Variants in CDKL2 observed in about 807,000 individuals in gnomAD.
The protein encoded by CDKL2 is cyclin-dependent kinase-like 2.
A neutral mutation model predicts 63.9 loss-of-function variants in CDKL2; 64 were observed. The ratio of observed to expected loss-of-function variants is 1.00; its 90% CI spans 0.82 to 1.23. The LOEUF (loss-of-function observed/expected upper bound fraction) is 1.23. Ranked by LOEUF, CDKL2 falls within the 50% of genes most tolerant of loss-of-function variation. The pLI, the probability that CDKL2 is intolerant of heterozygous loss-of-function variation, is 0.00. For synonymous variants in CDKL2, 211 were observed against 229.2 expected, an observed-to-expected ratio of 0.92 and a Z score of 0.72; for missense variants, 656 against 668.0, an observed-to-expected ratio of 0.98 and a Z score of 0.20.
intron 10 of CDKL2, chr4:75,596,029 GA>G: frequency 2.1e-5 from 1 of 47,606 alleles, no homozygotes; most frequent in Non-Finnish European, 3.7e-5. Flanking sequence ...AGGAAGGAAG[GA>G]AGAAAGGAAG....
chr4:75,626,109 T>C (rs1489719973), intron 1 of CDKL2, 92 bp from the exon 2 acceptor site: 2 of 779,820 alleles, frequency 2.6e-6, no homozygotes, highest in Non-Finnish European at 4.3e-6. Context: ...TTGTTTTCCA[T>C]ATTAGTCACT....
chr4:75,594,928 T>C (rs1354760745), intron 10 of CDKL2, among the ~76,000 whole-genome samples: 2 of 152,150 alleles, frequency 1.3e-5, no homozygotes, highest in Non-Finnish European at 2.9e-5. Context: ...CTTTGGCCTT[T>C]CCTCAGTGAT....
chr4:75,607,929 C>T (rs527612618), intron 3 of CDKL2, among the ~76,000 whole-genome samples: 1 of 151,974 alleles, frequency 6.6e-6, no homozygotes, highest in Non-Finnish European at 1.5e-5. Flanking sequence ...TCTCCTGCCT[C>T]AGCCTCCCGA....
intron 10 of CDKL2, among the ~76,000 whole-genome samples, chr4:75,593,808 A>G (rs1285068618): frequency 1.3e-5 from 2 of 152,148 alleles, no homozygotes; most frequent in African/African-American, 4.8e-5. Flanking sequence ...GAGAGATGAA[A>G]AGGCTGTATT....
intron 12 of CDKL2, among the ~76,000 whole-genome samples, chr4:75,584,561 A>G (rs185694396): frequency 5.3e-5 from 8 of 152,268 alleles, no homozygotes; most frequent in Admixed American, 4.6e-4. Flanking sequence ...AATAGATATT[A>G]ATTTAGTGTG....
At chr4:75,594,110 T>C (rs560152636) in intron 10 of CDKL2, among the ~76,000 whole-genome samples, 1 of 152,364 alleles carries the variant, frequency 6.6e-6, no homozygotes, top group East Asian at 1.9e-4. Context: ...TTTTGTGTTT[T>C]ATTTTCACTC....
At chr4:75,621,289 TAACA>T (rs1334590414) in intron 2 of CDKL2, among the ~76,000 whole-genome samples, 1 of 53,846 alleles carries the variant, frequency 1.9e-5, no homozygotes, top group Admixed American at 2.3e-4. Flanking sequence ...GCCATAAAAT[TAACA>T]GACAAAAAAA....
intron 12 of CDKL2, 126 bp from the exon 13 acceptor site, chr4:75,582,024 T>A: frequency 3.1e-6 from 2 of 651,238 alleles, no homozygotes; most frequent in South Asian, 3.7e-5. Context: ...TCAAGTTGCC[T>A]ACATGGAAAA....
chr4:75,595,224 C>G (rs1728864106), intron 10 of CDKL2, among the ~76,000 whole-genome samples: 2 of 124,462 alleles, frequency 1.6e-5, no homozygotes, highest in South Asian at 5.5e-4. Context: ...TTTTTTGAGA[C>G]AGGGTCTTGG....
Position 75,596,099 on chromosome 4 carries a change from A to G in CDKL2, c.1416+148T>C, listed in dbSNP as rs566408632. 7.1e-4 allele frequency: 326 copies of G among 461,660 alleles called. 1 individual carries two copies. Among genetic ancestry groups the G allele is most frequent in the Admixed American group, 2.0e-3 (50 of 25,206 alleles). 28.6% of individuals were successfully genotyped at this position (461,660 alleles called of 1,614,324 possible). A position where few individuals can be genotyped will look rare whatever the true frequency, so the allele number is the denominator to read the frequency against. The stretch of plus-strand genomic sequence containing the variant: ...TCAGAATTTCACGTTTATGACTATG[A>G]TGGGTTGGGATAATATATGCACAAT... On this transcript the variant is annotated intron_variant, in intron 10 of 13. Transcript: ENST00000307465.
At chr4:75,605,978 A>G (rs1729410107) in intron 4 of CDKL2, among the ~76,000 whole-genome samples, 1 of 152,294 alleles carries the variant, frequency 6.6e-6, no homozygotes, top group Non-Finnish European at 1.5e-5. Flanking sequence ...CAATCATGTG[A>G]CATAAAAGGG....
Position 75,592,189 on chromosome 4 carries a change from T to G in CDKL2, c.1497A>C (p.Leu499=). 2 of 1,535,406 alleles carry G rather than the reference T, an allele frequency of 1.3e-6. No individual in the cohort carries two copies. Among genetic ancestry groups the G allele is most frequent in the Non-Finnish European group, 1.7e-6 (2 of 1,146,650 alleles). The change falls in exon 11 of 14, where the codon CTA becomes CTC. Residue 499 remains leucine (L), a synonymous_variant. Transcript: ENST00000307465. Reference sequence around the variant, plus strand: ...TTAGTTCAGGGAGATGATTATAGTTTAGTTCAGGCAAACGGACATCTGTCC... The same window carrying G: ...TTAGTTCAGGGAGATGATTATAGTTGAGTTCAGGCAAACGGACATCTGTCC... ...YSRTDVRLPE[L]NYNHLPELRA... is the part of the protein sequence containing the mutation.
intron 5 of CDKL2, 89 bp from the exon 6 acceptor site, chr4:75,604,045 G>T: frequency 7.9e-7 from 1 of 1,257,978 alleles, no homozygotes; most frequent in Non-Finnish European, 1.1e-6. Context: ...AGGAAATAGT[G>T]GAACACAGCT....
chr4:75,622,803 T>C lies in CDKL2; in HGVS notation c.168+3018A>G, dbSNP rs142854746. Reference sequence around the variant, plus strand: ...CAATGTTCATGAACTGGATGCAATATTGTAAACACATCAATTCTCCACAAA... The same window carrying C: ...CAATGTTCATGAACTGGATGCAATACTGTAAACACATCAATTCTCCACAAA... On this transcript the variant is annotated intron_variant, in intron 2 of 13. Transcript: ENST00000307465. Among the ~76,000 whole-genome samples, 470 of 149,448 alleles carry C rather than the reference T, an allele frequency of 3.1e-3. 3 individuals are homozygous for C. The highest frequency in any genetic ancestry group is 0.01 in the African/African-American group (417 of 40,654).
intron 1 of CDKL2, among the ~76,000 whole-genome samples, chr4:75,627,012 T>G (rs1464834589): frequency 6.6e-6 from 1 of 151,806 alleles, no homozygotes; most frequent in African/African-American, 2.4e-5. Flanking sequence ...GAGACCAGCC[T>G]GGCCAACATG....
intron 2 of CDKL2, among the ~76,000 whole-genome samples, chr4:75,619,176 A>T (rs1410983659): frequency 1.3e-5 from 2 of 152,214 alleles, no homozygotes; most frequent in Non-Finnish European, 2.9e-5. Context: ...CAGAACTGGG[A>T]AAATTTTAAT....
chr4:75,620,498 A>G lies in CDKL2; in HGVS notation c.168+5323T>C, dbSNP rs74457071. 5.2e-4 allele frequency among the ~76,000 whole-genome samples: 79 copies of G among 152,356 alleles called. 3 individuals are homozygous for G. In the East Asian group the frequency reaches 0.012, roughly 23 times the overall value. ...TATAATTACTTTTGTTCACAGTAAC[A>G]GTAGACTTGGTAATTTGTAACAATT... is the stretch of plus-strand genomic sequence containing the variant. On this transcript the variant is annotated intron_variant, in intron 2 of 13. Coordinates refer to ENST00000307465, the MANE Select transcript of CDKL2 (RefSeq NM_001330724.2).
intron 12 of CDKL2, among the ~76,000 whole-genome samples, chr4:75,587,648 A>G (rs751198685): frequency 2.6e-5 from 4 of 152,026 alleles, no homozygotes; most frequent in African/African-American, 2.4e-5. Context: ...AGTGGTTCAC[A>G]CTCCCAGCAC....
At chr4:75,622,532 G>A (rs1199790598) in intron 2 of CDKL2, among the ~76,000 whole-genome samples, 6 of 151,372 alleles carry the variant, frequency 4.0e-5, no homozygotes, top group Non-Finnish European at 5.9e-5. Context: ...CAGCCTGGCC[G>A]ACATGGTGAA....
Sources: allele counts gnomAD v4.1 joint callset (sites outside exome capture counted in the v4.1 genomes callset), GRCh38; gene constraint gnomAD v4.1.1; transcripts MANE v1.5; gene names NCBI Gene and HGNC (gene_info 2026-07-23, HGNC 2026-07-21).